Variants in PCDH17 observed in about 807,000 individuals in gnomAD.
The protein encoded by PCDH17 is protocadherin-17.
A neutral mutation model predicts 67.7 loss-of-function variants in PCDH17; 21 were observed. The ratio of observed to expected loss-of-function variants is 0.31; its 90% CI spans 0.22 to 0.45. PCDH17 has a LOEUF of 0.45. Ranked by LOEUF, PCDH17 falls within the 20% of genes least tolerant of loss-of-function variation. The pLI is 1.00. For synonymous variants in PCDH17, 701 were observed against 656.7 expected (o/e 1.07, Z -1.03); for missense variants, 1,471 against 1,564.8 (o/e 0.94, Z 1.01).
At chr13:57,706,211 T>C (rs972003525) in intron 3 of PCDH17, among the ~76,000 whole-genome samples, 2 of 152,114 alleles carry the variant, frequency 1.3e-5, no homozygotes, top group Admixed American at 6.6e-5. Flanking sequence ...CAATTACATA[T>C]GTGTTTCTTG....
intron 3 of PCDH17, among the ~76,000 whole-genome samples, chr13:57,672,797 T>G (rs2138033791): frequency 6.6e-6 from 1 of 152,100 alleles, no homozygotes; most frequent in African/African-American, 2.4e-5. Context: ...TTCCCAGACC[T>G]TCCCATAACA....
chr13:57,680,771 A>T (rs1955441063), intron 3 of PCDH17, among the ~76,000 whole-genome samples: 1 of 151,702 alleles, frequency 6.6e-6, no homozygotes, highest in Admixed American at 6.6e-5. Flanking sequence ...TATTGAAATT[A>T]TTCTGAACAA....
chr13:57,669,939 G>A (rs1955299864), intron 3 of PCDH17, among the ~76,000 whole-genome samples: 1 of 151,974 alleles, frequency 6.6e-6, no homozygotes, highest in Non-Finnish European at 1.5e-5. Flanking sequence ...TTGAACTACT[G>A]TATTTTGTTC....
intron 3 of PCDH17, among the ~76,000 whole-genome samples, chr13:57,681,443 A>T (rs1294737688): frequency 3.3e-5 from 5 of 151,858 alleles, no homozygotes; most frequent in African/African-American, 9.6e-5. Flanking sequence ...TACCTTGCTT[A>T]GCATTTACTC....
chr13:57,640,617 G>T (rs1406819476), intron 1 of PCDH17, among the ~76,000 whole-genome samples: 5 of 152,090 alleles, frequency 3.3e-5, no homozygotes, highest in South Asian at 2.1e-4. Flanking sequence ...AGAGCGGGGG[G>T]ACTTAACACG....
At chr13:57,654,633 T>C (rs965818577) in intron 1 of PCDH17, among the ~76,000 whole-genome samples, 11 of 152,198 alleles carry the variant, frequency 7.2e-5, no homozygotes, top group East Asian at 3.9e-4. Context: ...TTGAATTTGA[T>C]ATTATGTGAC....
Position 57,632,594 on chromosome 13 carries a change from C to A in PCDH17, c.48C>A (p.Leu16=), listed in dbSNP as rs1293810435. 6.2e-6 allele frequency: 10 copies of A among 1,613,936 alleles called. No individual in the cohort carries two copies. The highest frequency in any genetic ancestry group is 8.5e-6 in the Non-Finnish European group (10 of 1,179,944). ...GCTTTCTTCTATGGGCCCCTGCCCT[C>A]ACTCTCAAGAACCTCAACTACTCCG... is the stretch of plus-strand genomic sequence containing the variant. ...CCCFLLWAPA[L]TLKNLNYSVP... Residue 16 remains leucine, a synonymous_variant, in exon 1 of 4, where the codon CTC becomes CTA. Coordinates refer to ENST00000377918, the MANE Select transcript of PCDH17 (RefSeq NM_001040429.3).
chr13:57,645,715 A>G (rs1954957269), intron 1 of PCDH17, among the ~76,000 whole-genome samples: 2 of 151,010 alleles, frequency 1.3e-5, no homozygotes, highest in Non-Finnish European at 3.0e-5. Flanking sequence ...TAATATATAC[A>G]CACACACTTA....
intron 3 of PCDH17, among the ~76,000 whole-genome samples, chr13:57,667,796 G>A (rs1052117176): frequency 6.7e-6 from 1 of 150,088 alleles, no homozygotes; most frequent in Non-Finnish European, 1.5e-5. Context: ...CAGATACAGT[G>A]TTAAGTTTTC....
upstream of PCDH17, among the ~76,000 whole-genome samples, chr13:57,630,532 G>A (rs1026124925): frequency 2.0e-5 from 3 of 151,872 alleles, no homozygotes; most frequent in Admixed American, 2.0e-4. Flanking sequence ...AAATTTCGGG[G>A]TACCTCTCGC....
intron 1 of PCDH17, among the ~76,000 whole-genome samples, chr13:57,642,202 A>C (rs1954915170): frequency 6.6e-6 from 1 of 151,690 alleles, no homozygotes; most frequent in South Asian, 2.1e-4. Context: ...TTAAACTTTT[A>C]ATGTTTTTGA....
chr13:57,682,784 G>A (rs187600695), intron 3 of PCDH17, among the ~76,000 whole-genome samples: 1 of 151,940 alleles, frequency 6.6e-6, no homozygotes, highest in East Asian at 2.0e-4. Flanking sequence ...AGAATTTAGA[G>A]AACCTGAAGT....
At position 57,633,849 on chromosome 13, in the gene PCDH17, C is replaced by G; in HGVS notation, c.1303C>G (p.Gln435Glu). ...TGACCGCCCGCTGGACCGCGAGACA[C>G]AAGACGAGTACAACGTGACCATCGT... ...VTDRPLDRET[Q>E]DEYNVTIVAR... The change falls in exon 1 of 4, where the codon CAA becomes GAA. Residue 435 changes from glutamine to glutamate, a missense_variant. Gln to Glu is a conservative substitution (Grantham distance 29). This residue lies in a region of PCDH17 where 1,163 missense variants were observed against 1,230.0 expected (regional missense o/e 0.95). Transcript: ENST00000377918. The surrounding 1 kb of genome is among the most constrained non-coding windows in gnomAD (Gnocchi z 6.2). 1 of 1,613,020 alleles carries G rather than the reference C, an allele frequency of 6.2e-7. No individual in the cohort carries two copies. Among genetic ancestry groups the G allele is most frequent in the Non-Finnish European group, 8.5e-7 (1 of 1,180,036 alleles).
chr13:57,651,143 T>C (rs1369346719), intron 1 of PCDH17, among the ~76,000 whole-genome samples: 1 of 152,168 alleles, frequency 6.6e-6, no homozygotes, highest in African/African-American at 2.4e-5. Context: ...AACACACAAC[T>C]ATATATTTTA....
At chr13:57,665,683 T>G (rs1355849491) in intron 1 of PCDH17, among the ~76,000 whole-genome samples, 1 of 152,262 alleles carries the variant, frequency 6.6e-6, no homozygotes, top group Middle Eastern at 3.4e-3. Flanking sequence ...CCCAAAAGAC[T>G]CTGTTCCATG....
chr13:57,641,423 A>G (rs188391069), intron 1 of PCDH17, among the ~76,000 whole-genome samples: 1 of 150,480 alleles, frequency 6.6e-6, no homozygotes, highest in East Asian at 1.9e-4. Context: ...GCAAAAAAAA[A>G]GAAAAAAAAC....
chr13:57,696,776 T>G (rs1246611334), intron 3 of PCDH17, among the ~76,000 whole-genome samples: 2 of 151,636 alleles, frequency 1.3e-5, no homozygotes, highest in Non-Finnish European at 3.0e-5. Context: ...GATCTATAAA[T>G]TGAGATTCAC....
At chr13:57,656,206 G>T (rs994109266) in intron 1 of PCDH17, among the ~76,000 whole-genome samples, 1 of 152,058 alleles carries the variant, frequency 6.6e-6, no homozygotes, top group Admixed American at 6.6e-5. Flanking sequence ...AAATCTCCCA[G>T]TGCAGAATTT....
intron 3 of PCDH17, among the ~76,000 whole-genome samples, chr13:57,704,140 G>T (rs1457702668): frequency 2.0e-5 from 3 of 152,076 alleles, no homozygotes; most frequent in African/African-American, 7.2e-5. Flanking sequence ...TAAGAATTCA[G>T]CTATATAGGT....
Sources: gnomAD v4.1 joint callset for allele counts (sites outside exome capture counted in the v4.1 genomes callset) on GRCh38, gnomAD v4.1.1 for gene constraint, gnomAD v4.1.1 regional missense constraint, Gnocchi (gnomAD v3.1) non-coding constraint, MANE v1.5 for transcripts, NCBI Gene and HGNC (gene_info 2026-07-23, HGNC 2026-07-21) for gene names.